The following NMNAT2 variants were observed in gnomAD, a reference collection of about 807,000 sequenced individuals.
The protein encoded by NMNAT2 is nicotinamide nucleotide adenylyltransferase 2.
A neutral mutation model predicts 41.6 loss-of-function variants in NMNAT2; 11 were observed. The ratio of observed to expected loss-of-function variants is 0.26; its 90% CI spans 0.17 to 0.44. The LOEUF (loss-of-function observed/expected upper bound fraction) is 0.44, where lower values mean the gene tolerates loss of function less well. Ranked by LOEUF, NMNAT2 falls within the 20% of genes least tolerant of loss-of-function variation. The pLI is 1.00. For synonymous variants in NMNAT2, 148 were observed against 151.2 expected, an observed-to-expected ratio of 0.98 and a Z score of 0.16; for missense variants, 288 against 407.7, an observed-to-expected ratio of 0.71 and a Z score of 2.53.
intron 1 of NMNAT2, among the ~76,000 whole-genome samples, chr1:183,406,319 G>A (rs10752911): frequency 0.08 from 12,169 of 152,212 alleles, 530 homozygotes; most frequent in Admixed American, 0.11. Context: ...GAAGGGTGCT[G>A]GGACAGAGTA....
intron 1 of NMNAT2, among the ~76,000 whole-genome samples, chr1:183,358,509 G>A (rs1311741761): frequency 1.3e-5 from 2 of 152,170 alleles, no homozygotes; most frequent in African/African-American, 4.8e-5. Context: ...AAAGTGGGAG[G>A]AAAGAGGGAA....
chr1:183,382,209 G>C (rs1301001282), intron 1 of NMNAT2, among the ~76,000 whole-genome samples: 1 of 151,934 alleles, frequency 6.6e-6, no homozygotes, highest in Admixed American at 6.6e-5. Flanking sequence ...AGCAGGAGGT[G>C]CTACATAATT....
At chr1:183,362,984 A>G (rs944983198) in intron 1 of NMNAT2, among the ~76,000 whole-genome samples, 3 of 152,110 alleles carry the variant, frequency 2.0e-5, no homozygotes, top group African/African-American at 7.2e-5. Flanking sequence ...TATTATAGCC[A>G]TTCTGGTGGG....
intron 1 of NMNAT2, among the ~76,000 whole-genome samples, chr1:183,349,799 A>AT (rs1557886190): frequency 6.6e-6 from 1 of 152,016 alleles, no homozygotes; most frequent in Non-Finnish European, 1.5e-5. Context: ...TCAAATATTG[A>AT]TTTTCTCCTG....
intron 1 of NMNAT2, chr1:183,304,705 C>T (rs775630205): frequency 1.2e-6 from 2 of 1,614,010 alleles, no homozygotes; most frequent in African/African-American, 2.7e-5. Flanking sequence ...GAGCCCCTGG[C>T]AGGCCTGAAT....
At chr1:183,329,353 T>C (rs1422555092) in intron 1 of NMNAT2, among the ~76,000 whole-genome samples, 1 of 152,168 alleles carries the variant, frequency 6.6e-6, no homozygotes, top group Non-Finnish European at 1.5e-5. Flanking sequence ...ATTGAGGAAA[T>C]AGGATATTTT....
chr1:183,413,839 C>A lies in NMNAT2; in HGVS notation c.85+4344G>T, dbSNP rs552525633. Among the ~76,000 whole-genome samples the A allele has an allele frequency of 3.3e-5, 5 of 152,194 alleles. No homozygotes were observed. In the East Asian group the frequency reaches 9.6e-4, roughly 29 times the overall value. On this transcript the variant is annotated intron_variant, in intron 1 of 10. Transcript: ENST00000287713. ...CGCCAGGATGGTCTCGATCTCCTGACCTCGTGATCCGCCCGCCTCGGCCTC... is the reference window on the plus strand; with the variant it reads ...CGCCAGGATGGTCTCGATCTCCTGAACTCGTGATCCGCCCGCCTCGGCCTC...
chr1:183,338,904 G>A (rs1234826005), intron 1 of NMNAT2, among the ~76,000 whole-genome samples: 2 of 152,130 alleles, frequency 1.3e-5, no homozygotes, highest in African/African-American at 4.8e-5. Context: ...CTCCCACTCT[G>A]TCTCGGGCTA....
chr1:183,359,808 G>A (rs1381784784), intron 1 of NMNAT2, among the ~76,000 whole-genome samples: 1 of 152,104 alleles, frequency 6.6e-6, no homozygotes, highest in East Asian at 1.9e-4. Context: ...GGAAGCCCTG[G>A]GAGGCATTTG....
chr1:183,301,886 C>A (rs1478533815), intron 1 of NMNAT2, among the ~76,000 whole-genome samples: 7 of 152,220 alleles, frequency 4.6e-5, no homozygotes, highest in Non-Finnish European at 7.3e-5. Context: ...ACAGCATCAA[C>A]ACTAACTCCA....
chr1:183,400,707 A>G (rs1557900660), intron 1 of NMNAT2, among the ~76,000 whole-genome samples: 3 of 152,212 alleles, frequency 2.0e-5, no homozygotes, highest in Admixed American at 6.5e-5. Context: ...TACTGCTACC[A>G]AAACAGAGAT....
intron 1 of NMNAT2, among the ~76,000 whole-genome samples, chr1:183,315,009 A>G (rs1288766858): frequency 6.6e-6 from 1 of 152,250 alleles, no homozygotes; most frequent in Non-Finnish European, 1.5e-5. Context: ...CACTTTGTAT[A>G]TGCTAGTTTT....
rs953015273 is a variant in NMNAT2 at position 183,340,858 on chromosome 1, C to G, written c.86-47065G>C. ...AAGGATTGTGACCTAAAAGCCCCAC[C>G]TAACAACCTGGATTTATACGAAGGG... is the stretch of plus-strand genomic sequence containing the variant. On this transcript the variant is annotated intron_variant, in intron 1 of 10. Transcript: ENST00000287713. Among the ~76,000 whole-genome samples, 4 of 152,218 alleles carry G rather than the reference C, an allele frequency of 2.6e-5. No individual in the cohort carries two copies. The South Asian group carries it at 8.3e-4, about 32-fold the overall frequency.
intron 1 of NMNAT2, among the ~76,000 whole-genome samples, chr1:183,313,793 A>C (rs1475059779): frequency 1.3e-5 from 2 of 152,214 alleles, no homozygotes; most frequent in Non-Finnish European, 2.9e-5. Context: ...GCCAATGGGA[A>C]ATATACCTTT....
intron 8 of NMNAT2, among the ~76,000 whole-genome samples, chr1:183,265,258 CTTTTTTTTTTTTTT>C (rs67117635): frequency 1.5e-5 from 1 of 64,526 alleles, no homozygotes; most frequent in Admixed American, 2.6e-4. Context: ...TCTTCTTCTT[CTTTTTTTTTTTTTT>C]TTTTTTTTTT....
intron 10 of NMNAT2, among the ~76,000 whole-genome samples, chr1:183,259,300 G>A (rs1055954736): frequency 2.6e-5 from 4 of 152,098 alleles, no homozygotes; most frequent in Non-Finnish European, 4.4e-5. Flanking sequence ...ATTGCCCATT[G>A]CTTCTGCCCT....
chr1:183,365,125 T>C (rs1225550947), intron 1 of NMNAT2, among the ~76,000 whole-genome samples: 2 of 152,208 alleles, frequency 1.3e-5, no homozygotes, highest in African/African-American at 4.8e-5. Flanking sequence ...GGCAGTTTAT[T>C]CATGTATTTA....
chr1:183,346,611 G>C (rs1191246751), intron 1 of NMNAT2, among the ~76,000 whole-genome samples: 4 of 152,186 alleles, frequency 2.6e-5, no homozygotes, highest in Admixed American at 2.6e-4. Context: ...TAGCAGGCAT[G>C]ATAAGGAAGT....
chr1:183,278,049 A>C (rs1214768776), intron 8 of NMNAT2, among the ~76,000 whole-genome samples: 1 of 152,196 alleles, frequency 6.6e-6, no homozygotes, highest in Non-Finnish European at 1.5e-5. Context: ...TGAGCTCCTA[A>C]GTGGTGTAAG....
Sources: gnomAD v4.1 joint callset for allele counts (sites outside exome capture counted in the v4.1 genomes callset) on GRCh38, gnomAD v4.1.1 for gene constraint, MANE v1.5 for transcripts, NCBI Gene and HGNC (gene_info 2026-07-23, HGNC 2026-07-21) for gene names.